Variants in ADGRD1 observed in about 807,000 individuals in gnomAD.
The protein encoded by ADGRD1 is G-protein coupled receptor 133.
A neutral mutation model predicts 113.4 loss-of-function variants in ADGRD1; 77 were observed. The observed-to-expected ratio is 0.68, with a 90% CI of 0.57 to 0.82. ADGRD1 has a LOEUF of 0.82. Among genes scored for constraint, ADGRD1 ranks in the 40% least tolerant of loss-of-function variants. The pLI is 0.00. For missense variants in ADGRD1, 1,036 were observed against 1,139.1 expected (o/e 0.91, Z 1.30); for synonymous variants, 474 against 475.0 (o/e 1.00, Z 0.03).
Position 131,139,245 on chromosome 12 carries a change from C to G in ADGRD1, c.2607C>G (p.Val869=). ...AGAGCAGCCACTCTGCCCACCGCGTCGACCTGTCAGCCGTGTGAGCCGGGA... is the reference window on the plus strand; with the variant it reads ...AGAGCAGCCACTCTGCCCACCGCGTGGACCTGTCAGCCGTGTGAGCCGGGA... ...WDKSSHSAHR[V]DLSAV Residue 869 remains valine, a synonymous_variant, in exon 25 of 25, where the codon GTC becomes GTG. Transcript: ENST00000261654. The G allele has an allele frequency of 1.9e-6, 3 of 1,612,710 alleles. No homozygotes were observed. The highest frequency in any genetic ancestry group is 2.2e-5 in the South Asian group (2 of 90,920).
intron 7 of ADGRD1, among the ~76,000 whole-genome samples, chr12:130,991,767 A>G (rs1311040949): frequency 6.6e-6 from 1 of 152,156 alleles, no homozygotes; most frequent in African/African-American, 2.4e-5. Flanking sequence ...CAGAAAGCTG[A>G]GACAGGAGGA....
At chr12:131,004,319 C>T in intron 11 of ADGRD1, 23 bp downstream of exon 11, 8 of 1,509,468 alleles carry the variant, frequency 5.3e-6, no homozygotes, top group Non-Finnish European at 7.4e-6. Context: ...GCGCTGGACT[C>T]CCTTCCGGGG....
intron 15 of ADGRD1, among the ~76,000 whole-genome samples, chr12:131,090,998 G>A (rs1347235903): frequency 6.6e-6 from 1 of 152,078 alleles, no homozygotes; most frequent in Non-Finnish European, 1.5e-5. Context: ...CTCCTGCTGA[G>A]TGCAGTTCAA....
At chr12:131,138,054 G>A (rs1245010119) in intron 23 of ADGRD1, 83 bp from the exon 24 acceptor site, 25 of 1,096,210 alleles carry the variant, frequency 2.3e-5, no homozygotes, top group East Asian at 7.1e-5. Context: ...ATCTGGTTCC[G>A]GAGTTGCACC....
rs564388621 is a variant in ADGRD1, at chr12:131,024,363, G to A, written c.1473+10023G>A. The A allele has an allele frequency of 2.0e-5, 3 of 152,382 alleles. No individual in the cohort carries two copies. In the Middle Eastern group the frequency reaches 0.01, roughly 515 times the overall value. The allele number at this position is 152,382 out of a possible 1,614,324, so 9.4% of individuals were successfully genotyped here. ...GAGGGGAGGTCGAGCGTGGCTTCTA[G>A]TGGTCCCTAAAGCCACCAGGGTTTC... On this transcript the variant is annotated intron_variant, in intron 13 of 24. Coordinates refer to ENST00000261654, the MANE Select transcript of ADGRD1 (RefSeq NM_198827.5).
chr12:131,067,760 A>G lies in ADGRD1; in HGVS notation c.1474-9041A>G, dbSNP rs1350148173. Among the ~76,000 whole-genome samples the G allele has an allele frequency of 1.2e-3, 50 of 42,380 alleles. 12 individuals are homozygous for G. The highest frequency in any genetic ancestry group is 2.2e-3 in the Non-Finnish European group (43 of 19,702). 27.8% of individuals were successfully genotyped at this position (42,380 alleles called of 152,430 possible). On this transcript the variant is annotated intron_variant, in intron 13 of 24. Transcript: ENST00000261654. ...CGCTGTGCCCCTGATCCTTCTTCTG[A>G]GCAGGGGCTGCCCTCTACCTTCTGT...
chr12:131,129,031 T>G (rs1950826121), intron 20 of ADGRD1, among the ~76,000 whole-genome samples: 1 of 87,516 alleles, frequency 1.1e-5, no homozygotes, highest in Admixed American at 1.2e-4. Flanking sequence ...AGGCCCGCCC[T>G]GCTGTCTGGT....
At chr12:131,123,429 T>C (rs1950655853) in intron 20 of ADGRD1, among the ~76,000 whole-genome samples, 1 of 152,086 alleles carries the variant, frequency 6.6e-6, no homozygotes, top group African/African-American at 2.4e-5. Flanking sequence ...CAGGTGACTC[T>C]CAGCACAGCT....
At chr12:131,124,200 C>T (rs1269623482) in intron 20 of ADGRD1, among the ~76,000 whole-genome samples, 1 of 152,156 alleles carries the variant, frequency 6.6e-6, no homozygotes, top group Admixed American at 6.5e-5. Flanking sequence ...CTCATTTACC[C>T]ACAAGTCATC....
At chr12:130,968,965 T>C in intron 3 of ADGRD1, 1 of 1,493,772 alleles carries the variant, frequency 6.7e-7, no homozygotes, top group Non-Finnish European at 9.0e-7. Flanking sequence ...TTCTTTTTGT[T>C]GTTTCACCCA....
At chr12:131,120,309 G>A (rs1006512974) in intron 19 of ADGRD1, among the ~76,000 whole-genome samples, 1 of 152,004 alleles carries the variant, frequency 6.6e-6, no homozygotes, top group Non-Finnish European at 1.5e-5. Context: ...TTTTTTGCCC[G>A]AGTTCTTGGG....
At chr12:131,065,147 G>A (rs576777718) in intron 13 of ADGRD1, among the ~76,000 whole-genome samples, 1 of 152,290 alleles carries the variant, frequency 6.6e-6, no homozygotes, top group South Asian at 2.1e-4. Context: ...CCACACTGAT[G>A]CCATAAACAT....
intron 20 of ADGRD1, among the ~76,000 whole-genome samples, chr12:131,130,665 G>A (rs1040144465): frequency 2.6e-5 from 4 of 152,204 alleles, no homozygotes; most frequent in East Asian, 1.9e-4. Flanking sequence ...AAGGCCTGGC[G>A]CGGGCACCTA....
chr12:130,975,158 C>T (rs1872157814), intron 4 of ADGRD1, among the ~76,000 whole-genome samples: 1 of 152,178 alleles, frequency 6.6e-6, no homozygotes, highest in Non-Finnish European at 1.5e-5. Context: ...TGTTCTGGCA[C>T]CTTCTTTCAC....
At position 130,966,792 on chromosome 12, in the gene ADGRD1, C is replaced by CTTTT. The variant is rs397795712; in HGVS notation, c.187+253_187+256dup. On this transcript the variant is annotated intron_variant, in intron 3 of 24. Transcript: ENST00000261654. The surrounding 1 kb of genome is among the most constrained non-coding windows in gnomAD (Gnocchi z 4.6). The stretch of plus-strand genomic sequence containing the variant: ...ACTTCCCGTAATAGTTATTTCAAAG[C>CTTTT]TTTTTTTTTTGTAGAGATGGGGTCT... 17 of 353,196 alleles carry CTTTT rather than the reference C, an allele frequency of 4.8e-5. No individual in the cohort carries two copies. Among genetic ancestry groups the CTTTT allele is most frequent in the Non-Finnish European group, 6.5e-5 (12 of 183,544 alleles). The allele number at this position is 353,196 out of a possible 1,614,324, so 21.9% of individuals were successfully genotyped here.
At chr12:131,007,462 C>T (rs1151360) in intron 12 of ADGRD1, among the ~76,000 whole-genome samples, 83,447 of 152,124 alleles carry the variant, frequency 0.55, 24,096 homozygotes, top group East Asian at 0.81. Flanking sequence ...GAGGAGAGGC[C>T]GGCGGGGCCT....
intron 13 of ADGRD1, among the ~76,000 whole-genome samples, chr12:131,059,610 C>G (rs1884152479): frequency 6.6e-6 from 1 of 152,216 alleles, no homozygotes; most frequent in African/African-American, 2.4e-5. Flanking sequence ...AACTCCAAAT[C>G]TGCTGAGCGC....
At chr12:131,116,610 C>T (rs1323226249) in intron 18 of ADGRD1, among the ~76,000 whole-genome samples, 1 of 145,440 alleles carries the variant, frequency 6.9e-6, no homozygotes, top group East Asian at 1.9e-4. Flanking sequence ...CTCCCAGAAC[C>T]TGTGTGACTT....
chr12:131,124,627 C>T (rs927408878), intron 20 of ADGRD1, among the ~76,000 whole-genome samples: 1 of 152,132 alleles, frequency 6.6e-6, no homozygotes, highest in African/African-American at 2.4e-5. Context: ...CTTCCAGTAA[C>T]ACCCCCCACC....
Sources: gnomAD v4.1 joint callset for allele counts (sites outside exome capture counted in the v4.1 genomes callset) on GRCh38, gnomAD v4.1.1 for gene constraint, Gnocchi (gnomAD v3.1) non-coding constraint, MANE v1.5 for transcripts, NCBI Gene and HGNC (gene_info 2026-07-23, HGNC 2026-07-21) for gene names.